The following THOC1 variants were observed in gnomAD, a reference collection of about 807,000 sequenced individuals.
The protein encoded by THOC1 is THO complex subunit 1.
THOC1 carries 29 observed loss-of-function variants against 97.3 expected under a neutral mutation model. That is an observed-to-expected ratio of 0.30 (90% CI 0.22 to 0.41). The LOEUF is 0.41. THOC1 is among the 10% of genes least tolerant of loss of function. The probability of loss-of-function intolerance (pLI) is 1.00; values close to 1 mark genes in which losing one functional copy is unlikely to be tolerated. For missense variants in THOC1, 529 were observed against 761.9 expected, an observed-to-expected ratio of 0.69 and a Z score of 3.60; for synonymous variants, 255 against 257.0, an observed-to-expected ratio of 0.99 and a Z score of 0.07.
intron 18 of THOC1, among the ~76,000 whole-genome samples, chr18:218,328 C>G (rs1910963789): frequency 6.6e-6 from 1 of 152,182 alleles, no homozygotes; most frequent in South Asian, 2.1e-4. Flanking sequence ...TGCCTTTAAA[C>G]CACTACTCTT....
chr18:226,920 AAC>A lies in THOC1; in HGVS notation c.919-21_919-20del, dbSNP rs771960476. On this transcript the variant is annotated intron_variant, in intron 11 of 20. Transcript: ENST00000261600. ...CCATCAGCTACTCAAGAAACAAGCA[AAC>A]ACATACGAAAACAACACATTAAAAT... The A allele has an allele frequency of 2.5e-6, 4 of 1,572,460 alleles. No homozygotes were observed. Among genetic ancestry groups the A allele is most frequent in the Non-Finnish European group, 2.6e-6 (3 of 1,152,242 alleles).
rs1374181818 is a variant in THOC1 at position 217,118 on chromosome 18, C to A, written c.1455-485G>T. On this transcript the variant is annotated intron_variant, in intron 18 of 20. Coordinates refer to ENST00000261600, the MANE Select transcript of THOC1 (RefSeq NM_005131.3). ...AAATATGCAATGCTGCGGAAGAAACCAAACCACAAATTTATTCCATTTAAG... is the reference window on the plus strand; with the variant it reads ...AAATATGCAATGCTGCGGAAGAAACAAAACCACAAATTTATTCCATTTAAG... 2.6e-5 allele frequency among the ~76,000 whole-genome samples: 4 copies of A among 152,284 alleles called. No individual in the cohort carries two copies. The East Asian group carries it at 7.7e-4, about 29-fold the overall frequency.
At chr18:221,702 A>G (rs138157637) in intron 17 of THOC1, among the ~76,000 whole-genome samples, 7,503 of 140,228 alleles carry the variant, frequency 0.054, 232 homozygotes, top group South Asian at 0.14. Flanking sequence ...TCCGCCTCCC[A>G]GGTTCACGCC....
chr18:238,040 T>G (rs1598297407), intron 11 of THOC1, among the ~76,000 whole-genome samples: 1 of 152,040 alleles, frequency 6.6e-6, no homozygotes, highest in East Asian at 1.9e-4. Flanking sequence ...ATAATTTTTG[T>G]ATTTTGTGGA....
Position 214,783 on chromosome 18 carries a change from C to A in THOC1, c.1817G>T (p.Ser606Ile). 1 of 1,613,992 alleles carries A rather than the reference C, an allele frequency of 6.2e-7. No individual in the cohort carries two copies. Among genetic ancestry groups the A allele is most frequent in the Non-Finnish European group, 8.5e-7 (1 of 1,179,882 alleles). The change falls in exon 21 of 21, where the codon AGT becomes ATT. Residue 606 changes from serine (S) to isoleucine (I), a missense_variant. Around this residue, in one of 8 missense-constraint regions of THOC1, gnomAD observed 98 missense variants for 111.9 expected, o/e 0.88. Transcript: ENST00000261600. ...DSEIRQIECDSEDMKMRAKQL... is the reference protein window; with the variant it reads ...DSEIRQIECDIEDMKMRAKQL... ...CTTAGCTCTCATCTTCATGTCTTCA[C>A]TGTCACACTCAATCTGCCTAATTTC...
chr18:265,220 C>T (rs548641673), intron 3 of THOC1, 83 bp downstream of exon 3: 1 of 1,067,446 alleles, frequency 9.4e-7, no homozygotes, highest in Non-Finnish European at 1.3e-6. Flanking sequence ...TTTAAATATC[C>T]ATTCTAAGAA....
Position 227,000 on chromosome 18 carries a change from A to G in THOC1, c.919-99T>C, listed in dbSNP as rs1911313204. The G allele has an allele frequency of 6.3e-6, 6 of 946,042 alleles. No individual in the cohort carries two copies. The East Asian group carries it at 1.6e-4, about 25-fold the overall frequency. The allele number at this position is 946,042 out of a possible 1,614,324, so 58.6% of individuals were successfully genotyped here. On this transcript the variant is annotated intron_variant, in intron 11 of 20. Coordinates refer to ENST00000261600, the MANE Select transcript of THOC1 (RefSeq NM_005131.3). ...GCTAATATAGAAATGGAAGATTCCA[A>G]TTCAATTTAAAAGCCATTTGTTGAG...
chr18:260,371 TA>T (rs1306953872), intron 4 of THOC1, 67 bp from the exon 5 acceptor site: 1 of 1,007,536 alleles, frequency 9.9e-7, no homozygotes, highest in Non-Finnish European at 1.4e-6. Flanking sequence ...CTATGAAAAA[TA>T]ATTCTGAAGA....
chr18:232,356 C>T (rs1251805068), intron 11 of THOC1, among the ~76,000 whole-genome samples: 1 of 152,082 alleles, frequency 6.6e-6, no homozygotes, highest in Non-Finnish European at 1.5e-5. Flanking sequence ...TCTTGGCCTC[C>T]CAAAGTGCTG....
intron 11 of THOC1, among the ~76,000 whole-genome samples, chr18:239,898 A>C (rs959650818): frequency 2.0e-5 from 3 of 152,174 alleles, no homozygotes; most frequent in African/African-American, 4.8e-5. Flanking sequence ...TAACCAGGTA[A>C]TAATTTTTTG....
At chr18:218,766 A>G (rs1910981388) in intron 18 of THOC1, 120 bp downstream of exon 18, 1 of 744,872 alleles carries the variant, frequency 1.3e-6, no homozygotes, top group Admixed American at 2.9e-5. Context: ...AAACTCACCT[A>G]AGAGAAAAAG....
chr18:256,918 C>A (rs1049898090), intron 7 of THOC1, among the ~76,000 whole-genome samples: 4 of 152,168 alleles, frequency 2.6e-5, no homozygotes, highest in Non-Finnish European at 5.9e-5. Flanking sequence ...AACCACCACC[C>A]TGGATCAGTC....
intron 7 of THOC1, among the ~76,000 whole-genome samples, chr18:258,112 G>C (rs1251128185): frequency 1.3e-5 from 2 of 152,012 alleles, no homozygotes; most frequent in Non-Finnish European, 2.9e-5. Flanking sequence ...CTTAAGCGCA[G>C]AGAAAAAAAT....
intron 11 of THOC1, chr18:244,588 C>T (rs898904590): frequency 5.9e-5 from 9 of 152,080 alleles, no homozygotes; most frequent in Admixed American, 5.2e-4. Context: ...CTGTGCCTTC[C>T]CAGTATATTT....
intron 7 of THOC1, among the ~76,000 whole-genome samples, chr18:258,454 T>C (rs1912502282): frequency 6.6e-6 from 1 of 152,084 alleles, no homozygotes; most frequent in African/African-American, 2.4e-5. Context: ...AAAATAAGTA[T>C]GAAAGAAAAC....
At chr18:230,611 C>G (rs1911451545) in intron 11 of THOC1, among the ~76,000 whole-genome samples, 1 of 152,218 alleles carries the variant, frequency 6.6e-6, no homozygotes, top group Non-Finnish European at 1.5e-5. Flanking sequence ...GTTAGTGACA[C>G]AGCTGAGAGT....
chr18:225,554 T>C (rs1460562269), intron 12 of THOC1, 151 bp from the exon 13 acceptor site: 1 of 645,534 alleles, frequency 1.5e-6, no homozygotes. Context: ...GAGAGGATTA[T>C]AAGAGAAAAT....
chr18:230,374 A>G (rs1795647782), intron 11 of THOC1, among the ~76,000 whole-genome samples: 1 of 152,232 alleles, frequency 6.6e-6, no homozygotes, highest in African/African-American at 2.4e-5. Flanking sequence ...CCCCTAGCTT[A>G]AAGAGACGAA....
At chr18:263,968 A>C (rs1190257962) in intron 4 of THOC1, 58 bp downstream of exon 4, 1 of 1,340,442 alleles carries the variant, frequency 7.5e-7, no homozygotes, top group Non-Finnish European at 1.1e-6. Context: ...AGACGTTTTA[A>C]ATAAAGCATG....
Sources: gnomAD v4.1 joint callset for allele counts (sites outside exome capture counted in the v4.1 genomes callset) on GRCh38, gnomAD v4.1.1 for gene constraint, gnomAD v4.1.1 regional missense constraint, MANE v1.5 for transcripts, NCBI Gene and HGNC (gene_info 2026-07-23, HGNC 2026-07-21) for gene names.